The following NKX2-2 variants were observed in gnomAD, a reference collection of about 807,000 sequenced individuals.
The protein encoded by NKX2-2 is homeobox protein Nkx-2.2.
NKX2-2 carries 8 observed loss-of-function variants against 24.6 expected under a neutral mutation model. That is an observed-to-expected ratio of 0.32 (90% CI 0.19 to 0.59). The LOEUF is 0.59. Ranked by LOEUF, NKX2-2 falls within the 20% of genes least tolerant of loss-of-function variation. The pLI, the probability that NKX2-2 is intolerant of heterozygous loss-of-function variation, is 0.86. For missense variants in NKX2-2, 381 were observed against 373.9 expected (o/e 1.02, Z -0.16); for synonymous variants, 217 against 173.3 (o/e 1.25, Z -1.98).
At position 21,512,116 on chromosome 20, in the gene NKX2-2, C is replaced by G. The variant is rs1010133694; in HGVS notation, c.629G>C (p.Arg210Thr). ...PRRVAVPVLV[R>T]DGKPCHALKA... ...GAGCGCGTGACATGGTTTGCCGTCC[C>G]TGACCAAGACGGGCACGGCCACCCG... Residue 210 changes from arginine to threonine, a missense_variant, in exon 2 of 2, where the codon AGG becomes ACG. By Grantham distance (71) the Arg-to-Thr change is moderately conservative. This residue lies in a region of NKX2-2 where 139 missense variants were observed against 121.7 expected (regional missense o/e 1.14). Transcript: ENST00000377142. 1 of 1,613,810 alleles carries G rather than the reference C, an allele frequency of 6.2e-7. No homozygotes were observed. The highest frequency in any genetic ancestry group is 8.5e-7 in the Non-Finnish European group (1 of 1,179,922).
In NKX2-2 at chr20:21,513,585, C is replaced by T; in HGVS notation, c.85G>A (p.Ala29Thr). ...TCGTTCTCTTCCTCCGGACCTTCGG[C>T]CACAGAGCCCTCCTCATCGTTGGTG... ...PDTNDEEGSV[A>T]EGPEEENEGP... Residue 29 changes from alanine (A) to threonine (T), a missense_variant, in exon 1 of 2, where the codon GCC (alanine) becomes ACC (threonine). This residue lies in a region of NKX2-2 where 206 missense variants were observed against 173.1 expected (regional missense o/e 1.19). Coordinates refer to ENST00000377142, the MANE Select transcript of NKX2-2 (RefSeq NM_002509.4). This position sits in a 1 kb window ranked among gnomAD's most constrained non-coding sequence, Gnocchi z 4.6. 6.2e-7 allele frequency: 1 copy of T among 1,613,588 alleles called. No individual in the cohort carries two copies. Among genetic ancestry groups the T allele is most frequent in the South Asian group, 1.1e-5 (1 of 90,958 alleles).
chr20:21,513,596 T>G lies in NKX2-2; in HGVS notation c.74A>C (p.Glu25Ala), dbSNP rs1980522966. 1.1e-5 allele frequency: 17 copies of G among 1,613,318 alleles called. No individual in the cohort carries two copies. The highest frequency in any genetic ancestry group is 1.4e-5 in the Non-Finnish European group (17 of 1,179,636). Residue 25 changes from glutamate to alanine, a missense_variant, in exon 1 of 2, where the codon GAG (glutamate) becomes GCG (alanine). Physicochemically the swap from Glu to Ala is moderately radical, Grantham distance 107. This residue lies in a region of NKX2-2 where 206 missense variants were observed against 173.1 expected (regional missense o/e 1.19). Transcript: ENST00000377142. This position sits in a 1 kb window ranked among gnomAD's most constrained non-coding sequence, Gnocchi z 4.6. ...ILDLPDTNDE[E>A]GSVAEGPEEE... Reference sequence around the variant, plus strand: ...CTCCGGACCTTCGGCCACAGAGCCCTCCTCATCGTTGGTGTCCGGCAGGTC... The same window carrying G: ...CTCCGGACCTTCGGCCACAGAGCCCGCCTCATCGTTGGTGTCCGGCAGGTC...
chr20:21,512,437 G>A lies in NKX2-2; in HGVS notation c.308C>T (p.Ser103Phe). The A allele has an allele frequency of 2.5e-6, 4 of 1,590,164 alleles. No individual in the cohort carries two copies. Among genetic ancestry groups the A allele is most frequent in the Non-Finnish European group, 2.6e-6 (3 of 1,175,028 alleles). The change falls in exon 2 of 2, where the codon TCC (serine) becomes TTC (phenylalanine). Residue 103 changes from serine (S) to phenylalanine (F), a missense_variant. By Grantham distance (155) the Ser-to-Phe change is radical (BLOSUM62 -2). Coordinates refer to ENST00000377142, the MANE Select transcript of NKX2-2 (RefSeq NM_002509.4). ...GAPPQDSSSK[S>F]PEPSADESPD... The stretch of plus-strand genomic sequence containing the variant: ...TGACTCGTCGGCCGAGGGCTCCGGG[G>A]ACTTGGAGCTTGAGTCCTGAGGGGG...
chr20:21,511,573 T>A lies in NKX2-2; in HGVS notation c.*350A>T, dbSNP rs555414913. The A allele has an allele frequency of 4.7e-6, 1 of 211,856 alleles. No individual in the cohort carries two copies. The highest frequency in any genetic ancestry group is 5.9e-5 in the Admixed American group (1 of 17,038). The allele number at this position is 211,856 out of a possible 1,614,324, so 13.1% of individuals were successfully genotyped here. A position where few individuals can be genotyped will look rare whatever the true frequency, so the allele number is the denominator to read the frequency against. ...CACGAAAGCAGGGGTGGGGGGTCGG[T>A]CTTTTTCTCGTTTTCAAGTGACGAC... On this transcript the variant is annotated 3_prime_UTR_variant, in exon 2 of 2. Coordinates refer to ENST00000377142, the MANE Select transcript of NKX2-2 (RefSeq NM_002509.4).
At chr20:21,519,627 C>A in the NKX2-2 span, among the ~76,000 whole-genome samples, 3 of 152,230 alleles carry the variant, frequency 2.0e-5, no homozygotes, top group African/African-American at 7.2e-5. Flanking sequence ...GCAGGGGCTG[C>A]AGGAAGCAGA....
chr20:21,512,069 C>A lies in NKX2-2; in HGVS notation c.676G>T (p.Ala226Ser), dbSNP rs931316024. Residue 226 changes from alanine to serine, a missense_variant, in exon 2 of 2, where the codon GCC becomes TCC. Ala to Ser is a moderately conservative substitution (Grantham distance 99). This residue lies in a region of NKX2-2 where 139 missense variants were observed against 121.7 expected (regional missense o/e 1.14). Coordinates refer to ENST00000377142, the MANE Select transcript of NKX2-2 (RefSeq NM_002509.4). ...AAGGGAATGCCCGCCTGGAAGGTGG[C>A]GGCTGCCAGGTCCTGGGCTTTGAGC... ...HALKAQDLAA[A>S]TFQAGIPFSA... is the part of the protein sequence containing the mutation. 3.7e-6 allele frequency: 6 copies of A among 1,613,816 alleles called. No homozygotes were observed. The Admixed American group carries it at 5.0e-5, about 13-fold the overall frequency.
chr20:21,520,662 C>G, the NKX2-2 span, among the ~76,000 whole-genome samples: 3 of 152,292 alleles, frequency 2.0e-5, no homozygotes, highest in African/African-American at 4.8e-5. Flanking sequence ...TTTAAGCCCC[C>G]CTCGGGCCAA....
chr20:21,517,512 G>A (rs1409192348), upstream of NKX2-2, among the ~76,000 whole-genome samples: 1 of 152,208 alleles, frequency 6.6e-6, no homozygotes, highest in Non-Finnish European at 1.5e-5. Context: ...CAATTGAAAA[G>A]GCGCTGGGAG....
At chr20:21,516,323 C>G (rs909036862), upstream of NKX2-2, among the ~76,000 whole-genome samples, 1 of 152,206 alleles carries the variant, frequency 6.6e-6, no homozygotes, top group East Asian at 1.9e-4. Context: ...CTCCTTCCCC[C>G]CTTTTTTCCC....
chr20:21,515,145 T>A (rs1414881465), upstream of NKX2-2, among the ~76,000 whole-genome samples: 1 of 151,828 alleles, frequency 6.6e-6, no homozygotes, highest in East Asian at 1.9e-4. Flanking sequence ...TTTCCCCGGG[T>A]GGAGGAAAGG....
Position 21,513,727 on chromosome 20 carries a change from G to GC in NKX2-2, c.-59dup, listed in dbSNP as rs1241648059. The GC allele has an allele frequency of 3.2e-5, 38 of 1,189,394 alleles. No homozygotes were observed. Among genetic ancestry groups the GC allele is most frequent in the Non-Finnish European group, 4.0e-5 (38 of 945,000 alleles). 73.7% of individuals were successfully genotyped at this position (1,189,394 alleles called of 1,614,324 possible). On this transcript the variant is annotated 5_prime_UTR_variant, in exon 1 of 2. Coordinates refer to ENST00000377142, the MANE Select transcript of NKX2-2 (RefSeq NM_002509.4). The surrounding 1 kb of genome is among the most constrained non-coding windows in gnomAD (Gnocchi z 4.6). The stretch of plus-strand genomic sequence containing the variant: ...TGTAGCTTCACTTGGTCAATTCGTG[G>GC]CGCTCCCCTGCCCCGGCGGGCGGGG...
At position 21,512,530 on chromosome 20, in the gene NKX2-2, G is replaced by C. The variant is rs1032880734; in HGVS notation, c.260-45C>G. The C allele has an allele frequency of 5.0e-6, 7 of 1,401,954 alleles. No individual in the cohort carries two copies. In the Admixed American group the frequency reaches 6.9e-5, roughly 14 times the overall value. The allele number at this position is 1,401,954 out of a possible 1,614,324, so 86.8% of individuals were successfully genotyped here. On this transcript the variant is annotated intron_variant, in intron 1 of 1. Transcript: ENST00000377142. ...GAAGCGCGTCAGGCGTCTGGAGGCCGCGCGCAGCCTGCACCAGACTCGGAG... is the reference window on the plus strand; with the variant it reads ...GAAGCGCGTCAGGCGTCTGGAGGCCCCGCGCAGCCTGCACCAGACTCGGAG...
rs1245418861 is a variant in NKX2-2, at chr20:21,513,742, G to A, written c.-73C>T. The A allele has an allele frequency of 5.3e-6, 7 of 1,317,870 alleles. No homozygotes were observed. In the East Asian group the frequency reaches 1.9e-4, roughly 37 times the overall value. 81.6% of individuals were successfully genotyped at this position (1,317,870 alleles called of 1,614,324 possible). A position where few individuals can be genotyped will look rare whatever the true frequency, so the allele number is the denominator to read the frequency against. ...TCAATTCGTGGCGCTCCCCTGCCCC[G>A]GCGGGCGGGGGAGGGGGGAGTTGGG... On this transcript the variant is annotated 5_prime_UTR_variant, in exon 1 of 2. Transcript: ENST00000377142. The surrounding 1 kb of genome is among the most constrained non-coding windows in gnomAD (Gnocchi z 4.6).
chr20:21,515,160 A>T (rs1980594538), upstream of NKX2-2, among the ~76,000 whole-genome samples: 2 of 151,870 alleles, frequency 1.3e-5, no homozygotes, highest in Admixed American at 1.3e-4. Context: ...GAAAGGGCAG[A>T]CGGCCCTGCT....
At chr20:21,520,166 G>A in the NKX2-2 span, among the ~76,000 whole-genome samples, 1 of 152,074 alleles carries the variant, frequency 6.6e-6, no homozygotes, top group African/African-American at 2.4e-5. Flanking sequence ...TTCTGTGTCT[G>A]GGGGAAAATC....
the NKX2-2 span, among the ~76,000 whole-genome samples, chr20:21,521,576 G>T: frequency 2.6e-5 from 4 of 152,180 alleles, no homozygotes; most frequent in Non-Finnish European, 5.9e-5. Context: ...TCACGTCCCA[G>T]TTCCGTCTGA....
chr20:21,514,495 T>G (rs1338094290), upstream of NKX2-2, among the ~76,000 whole-genome samples: 2 of 92,802 alleles, frequency 2.2e-5, no homozygotes, highest in African/African-American at 8.6e-5. Context: ...AATTGCATCT[T>G]AAAAAAGGTG....
chr20:21,512,752 G>A (rs1442419031), intron 1 of NKX2-2, among the ~76,000 whole-genome samples: 1 of 152,150 alleles, frequency 6.6e-6, no homozygotes, highest in Non-Finnish European at 1.5e-5. Context: ...AATTTGGGGG[G>A]GGAAGTGGCA....
upstream of NKX2-2, among the ~76,000 whole-genome samples, chr20:21,517,448 C>CA (rs1282881293): frequency 6.6e-6 from 1 of 152,240 alleles, no homozygotes; most frequent in African/African-American, 2.4e-5. Flanking sequence ...CTCATTTCCC[C>CA]ATCACTTCTC....
Sources: allele counts gnomAD v4.1 joint callset (sites outside exome capture counted in the v4.1 genomes callset), GRCh38; gene constraint gnomAD v4.1.1; regional missense constraint gnomAD v4.1.1; non-coding constraint Gnocchi (gnomAD v3.1); transcripts MANE v1.5; gene names NCBI Gene and HGNC (gene_info 2026-07-23, HGNC 2026-07-21).